PRKCE: variants seen among roughly 807,000 people sequenced by gnomAD.
The protein encoded by PRKCE is protein kinase C epsilon type.
PRKCE carries 16 observed loss-of-function variants against 85.4 expected under a neutral mutation model. The ratio of observed to expected loss-of-function variants is 0.19; its 90% CI spans 0.13 to 0.28. The LOEUF (loss-of-function observed/expected upper bound fraction) is 0.28. Among genes scored for constraint, PRKCE ranks in the 10% least tolerant of loss-of-function variants. The pLI is 1.00. For missense variants in PRKCE, 573 were observed against 975.2 expected (o/e 0.59, Z 5.49); for synonymous variants, 388 against 371.5 (o/e 1.04, Z -0.51).
intron 2 of PRKCE, among the ~76,000 whole-genome samples, chr2:45,864,141 TC>T (rs1693393852): frequency 6.6e-6 from 1 of 152,158 alleles, no homozygotes; most frequent in African/African-American, 2.4e-5. Flanking sequence ...CTTCTACCCC[TC>T]AAAGAGCGTC....
intron 1 of PRKCE, chr2:45,674,604 G>A (rs1323039650): frequency 6.6e-6 from 1 of 152,148 alleles, no homozygotes; most frequent in East Asian, 1.9e-4. Context: ...ACTCTGTGAG[G>A]GATTAGTGCT....
rs1574699705 is a variant in PRKCE at position 46,184,799 on chromosome 2, T to C, written c.2132T>C (p.Leu711Pro). ...ACCCGGGAAGAGCCGGTACTCACCC[T>C]TGTGGACGAAGCAATTGTAAAGCAG... is the stretch of plus-strand genomic sequence containing the variant. ...DFTREEPVLT[L>P]VDEAIVKQIN... The change falls in exon 15 of 15, where the codon CTT (leucine) becomes CCT (proline). Residue 711 changes from leucine to proline, a missense_variant. Physicochemically the swap from Leu to Pro is moderately conservative, Grantham distance 98. Coordinates refer to ENST00000306156, the MANE Select transcript of PRKCE (RefSeq NM_005400.3). This position sits in a 1 kb window ranked among gnomAD's most constrained non-coding sequence, Gnocchi z 5.0. 6 of 1,599,794 alleles carry C rather than the reference T, an allele frequency of 3.8e-6. No individual in the cohort carries two copies. Among genetic ancestry groups the C allele is most frequent in the East Asian group, 2.2e-5 (1 of 44,878 alleles).
chr2:46,157,871 C>G (rs1378050066), intron 13 of PRKCE, among the ~76,000 whole-genome samples: 1 of 152,268 alleles, frequency 6.6e-6, no homozygotes, highest in Non-Finnish European at 1.5e-5. Flanking sequence ...TTCCATGACT[C>G]TAGCCACTGA....
chr2:46,138,013 CT>C lies in PRKCE; in HGVS notation c.1593-7075del, dbSNP rs1490934719. Among the ~76,000 whole-genome samples the C allele has an allele frequency of 1.3e-5, 2 of 152,184 alleles. No homozygotes were observed. Among genetic ancestry groups the C allele is most frequent in the African/African-American group, 4.8e-5 (2 of 41,446 alleles). On this transcript the variant is annotated intron_variant, in intron 11 of 14. Transcript: ENST00000306156. This position sits in a 1 kb window ranked among gnomAD's most constrained non-coding sequence, Gnocchi z 4.2. ...AGTATAGTTAGTCTTAGAAGTCAAA[CT>C]TTTTGTTTTTCCCCTGAGACTATTA...
chr2:45,979,088 C>T, intron 4 of PRKCE, 78 bp downstream of exon 4: 1 of 1,389,220 alleles, frequency 7.2e-7, no homozygotes, highest in Non-Finnish European at 1.0e-6. Context: ...GAGGCAGGTG[C>T]TCAGTCTGAT....
intron 10 of PRKCE, among the ~76,000 whole-genome samples, chr2:46,017,215 A>T (rs1574240323): frequency 6.6e-6 from 1 of 152,018 alleles, no homozygotes; most frequent in Non-Finnish European, 1.5e-5. Flanking sequence ...GTACCTTCCT[A>T]TTCCCTCTCC....
In PRKCE at chr2:45,738,983, A is replaced by T. The variant is rs188325003; in HGVS notation, c.348+86535A>T. 2.0e-5 allele frequency among the ~76,000 whole-genome samples: 3 copies of T among 152,346 alleles called. No homozygotes were observed. The East Asian group carries it at 5.8e-4, about 29-fold the overall frequency. On this transcript the variant is annotated intron_variant, in intron 1 of 14. Coordinates refer to ENST00000306156, the MANE Select transcript of PRKCE (RefSeq NM_005400.3). ...TGTTGGTTCATGTACCAGTCCAAGG[A>T]TAGATGGAAGCAAAGTGGGATGACA...
chr2:45,770,520 C>A (rs963346275), intron 1 of PRKCE, among the ~76,000 whole-genome samples: 1 of 152,194 alleles, frequency 6.6e-6, no homozygotes, highest in African/African-American at 2.4e-5. Flanking sequence ...CCACAGAAGT[C>A]TGAATGTTGG....
At chr2:45,904,555 G>C (rs945101067) in intron 2 of PRKCE, among the ~76,000 whole-genome samples, 1 of 152,288 alleles carries the variant, frequency 6.6e-6, no homozygotes, top group African/African-American at 2.4e-5. Context: ...GTGCTCGGTG[G>C]GTTGGGCTCT....
At chr2:45,800,786 C>T (rs1465723942) in intron 1 of PRKCE, among the ~76,000 whole-genome samples, 1 of 152,228 alleles carries the variant, frequency 6.6e-6, no homozygotes, top group Admixed American at 6.5e-5. Context: ...CTTCCTTCGG[C>T]CCGTAAATCT....
intron 2 of PRKCE, among the ~76,000 whole-genome samples, chr2:45,935,782 C>T (rs1422278085): frequency 5.2e-5 from 7 of 134,630 alleles, no homozygotes; most frequent in African/African-American, 1.9e-4. Flanking sequence ...GAGACTGTCT[C>T]AAAAAAAAAA....
chr2:46,169,102 G>C (rs1019895472), intron 14 of PRKCE, among the ~76,000 whole-genome samples: 1 of 152,254 alleles, frequency 6.6e-6, no homozygotes, highest in East Asian at 1.9e-4. Context: ...CAAGCTGACT[G>C]GGGGGGTGTG....
intron 11 of PRKCE, among the ~76,000 whole-genome samples, chr2:46,104,508 T>C (rs537907738): frequency 6.6e-6 from 1 of 152,262 alleles, no homozygotes; most frequent in East Asian, 1.9e-4. Flanking sequence ...ATGCTCTCTC[T>C]GTTGGGGTTC....
chr2:45,788,628 C>G (rs1686802366), intron 1 of PRKCE, among the ~76,000 whole-genome samples: 1 of 152,168 alleles, frequency 6.6e-6, no homozygotes, highest in South Asian at 2.1e-4. Flanking sequence ...GATAAGTGAT[C>G]TTGTTTCAAC....
At chr2:45,808,587 T>C (rs968375834) in intron 1 of PRKCE, among the ~76,000 whole-genome samples, 3 of 152,216 alleles carry the variant, frequency 2.0e-5, no homozygotes, top group Non-Finnish European at 4.4e-5. Flanking sequence ...TCACTTGAGC[T>C]ATCTGCCAGG....
intron 13 of PRKCE, among the ~76,000 whole-genome samples, chr2:46,154,833 C>T (rs1677042373): frequency 6.6e-6 from 1 of 151,866 alleles, no homozygotes; most frequent in African/African-American, 2.4e-5. Context: ...CTTTCTAACC[C>T]ACTATATATA....
intron 1 of PRKCE, among the ~76,000 whole-genome samples, chr2:45,702,845 C>A (rs148996108): frequency 6.6e-6 from 1 of 152,160 alleles, no homozygotes; most frequent in Non-Finnish European, 1.5e-5. Context: ...ATTTGAACAC[C>A]TTACTCTGGG....
intron 10 of PRKCE, among the ~76,000 whole-genome samples, chr2:46,011,641 A>T (rs1261651663): frequency 6.6e-6 from 1 of 152,148 alleles, no homozygotes; most frequent in African/African-American, 2.4e-5. Context: ...TGCAAACGTA[A>T]CCTCTCTTAG....
rs56287103 is a variant in PRKCE, at chr2:45,976,857, CTGTGTGTGTGTGTGTGTGTGTGTG to C, written c.572+295_572+318del. On this transcript the variant is annotated intron_variant, in intron 3 of 14. Transcript: ENST00000306156. Reference sequence around the variant, plus strand: ...TTAGTAACCAACAAGGATATTGTGACTGTGTGTGTGTGTGTGTGTGTGTGTGTGTGTGTGTGTGTGTGTGTGTGT... The same window carrying C: ...TTAGTAACCAACAAGGATATTGTGACTGTGTGTGTGTGTGTGTGTGTGTGT... 1.8e-3 allele frequency among the ~76,000 whole-genome samples: 244 copies of C among 135,054 alleles called. 1 individual carries two copies. The highest frequency in any genetic ancestry group is 6.2e-3 in the East Asian group (28 of 4,496). 88.6% of individuals were successfully genotyped at this position (135,054 alleles called of 152,430 possible). A position where few individuals can be genotyped will look rare whatever the true frequency, so the allele number is the denominator to read the frequency against.
Sources: gnomAD v4.1 joint callset for allele counts (sites outside exome capture counted in the v4.1 genomes callset) on GRCh38, gnomAD v4.1.1 for gene constraint, Gnocchi (gnomAD v3.1) non-coding constraint, MANE v1.5 for transcripts, NCBI Gene and HGNC (gene_info 2026-07-23, HGNC 2026-07-21) for gene names.